The following LAMA2 variants were observed in gnomAD, a reference collection of about 807,000 sequenced individuals.
LAMA2 encodes laminin subunit alpha-2.
Under a neutral mutation model 364.8 loss-of-function variants are expected in LAMA2, and 269 were observed. That is an observed-to-expected ratio of 0.74 (90% CI 0.67 to 0.82). The LOEUF (loss-of-function observed/expected upper bound fraction) is 0.82, where lower values mean the gene tolerates loss of function less well. Among genes scored for constraint, LAMA2 ranks in the 40% least tolerant of loss-of-function variants. The pLI is 0.00. For synonymous variants in LAMA2, 1,379 were observed against 1,370.6 expected (o/e 1.01, Z -0.14); for missense variants, 3,807 against 3,873.2 (o/e 0.98, Z 0.45).
At chr6:129,138,007 T>C (rs1049166338) in intron 4 of LAMA2, among the ~76,000 whole-genome samples, 3 of 151,976 alleles carry the variant, frequency 2.0e-5, no homozygotes, top group Admixed American at 6.6e-5. Context: ...ACAGCTGAGA[T>C]TTTAAAGATA....
chr6:129,065,255 G>A (rs1789216897), intron 3 of LAMA2, among the ~76,000 whole-genome samples: 1 of 152,028 alleles, frequency 6.6e-6, no homozygotes, highest in Non-Finnish European at 1.5e-5. Flanking sequence ...AGGAATGTAC[G>A]TCAACATAAT....
chr6:129,391,396 A>G, intron 35 of LAMA2, 95 bp from the exon 36 acceptor site: 2 of 1,042,410 alleles, frequency 1.9e-6, no homozygotes, highest in South Asian at 1.3e-5. Context: ...AATACTCTTC[A>G]TTTGGAGATG....
intron 1 of LAMA2, among the ~76,000 whole-genome samples, chr6:128,997,098 GGGA>G (rs1260409506): frequency 4.0e-5 from 6 of 151,840 alleles, no homozygotes; most frequent in Non-Finnish European, 8.8e-5. Context: ...GACGGACACA[GGGA>G]GGAGAACATC....
In LAMA2 at chr6:129,456,457, C is replaced by G; in HGVS notation, c.6830C>G (p.Ala2277Gly). 1 of 1,613,476 alleles carries G rather than the reference C, an allele frequency of 6.2e-7. No homozygotes were observed. Among genetic ancestry groups the G allele is most frequent in the Non-Finnish European group, 8.5e-7 (1 of 1,179,554 alleles). Residue 2277 changes from alanine (A) to glycine (G), a missense_variant, in exon 48 of 65, where the codon GCA (alanine) becomes GGA (glycine). Physicochemically the swap from Ala to Gly is moderately conservative, Grantham distance 60 (BLOSUM62 0). Around this residue, in one of 3 missense-constraint regions of LAMA2, gnomAD observed 3,333 missense variants for 3,345.7 expected, o/e 1.00. Transcript: ENST00000421865. Reference sequence around the variant, plus strand: ...ACGATTCTAGATGTGGATGCAAATGCAATGCTGTTTGTTGGTGGCCTGACT... The same window carrying G: ...ACGATTCTAGATGTGGATGCAAATGGAATGCTGTTTGTTGGTGGCCTGACT... Reference protein sequence around the residue: ...GYTILDVDANAMLFVGGLTGK... With the variant: ...GYTILDVDANGMLFVGGLTGK...
chr6:129,349,632 A>AGT (rs1312613016), intron 31 of LAMA2, among the ~76,000 whole-genome samples: 2 of 151,034 alleles, frequency 1.3e-5, no homozygotes, highest in African/African-American at 2.4e-5. Context: ...CTTATGCTTT[A>AGT]GTATATATAT....
intron 4 of LAMA2, among the ~76,000 whole-genome samples, chr6:129,138,321 A>C: frequency 6.6e-6 from 1 of 152,250 alleles, no homozygotes; most frequent in East Asian, 1.9e-4. Context: ...ATTAATAAAA[A>C]TAACCCTAAA....
intron 4 of LAMA2, among the ~76,000 whole-genome samples, chr6:129,128,814 A>G (rs1038739405): frequency 6.6e-6 from 1 of 152,246 alleles, no homozygotes; most frequent in East Asian, 1.9e-4. Flanking sequence ...GCATTGATAC[A>G]GTAAAATCCT....
At chr6:129,383,621 C>T (rs1010477041) in intron 35 of LAMA2, among the ~76,000 whole-genome samples, 1 of 152,196 alleles carries the variant, frequency 6.6e-6, no homozygotes, top group African/African-American at 2.4e-5. Context: ...TTTAGTTTCT[C>T]CAAATGGCTT....
At chr6:129,172,074 T>G (rs1169985164) in intron 9 of LAMA2, among the ~76,000 whole-genome samples, 1 of 147,468 alleles carries the variant, frequency 6.8e-6, no homozygotes, top group African/African-American at 2.5e-5. Flanking sequence ...TTATACATTC[T>G]TCTACATTTT....
At chr6:129,102,071 A>T (rs1229744784) in intron 4 of LAMA2, among the ~76,000 whole-genome samples, 2 of 149,468 alleles carry the variant, frequency 1.3e-5, no homozygotes, top group African/African-American at 2.5e-5. Flanking sequence ...AGGATTCTTA[A>T]TTTCATATAT....
intron 12 of LAMA2, among the ~76,000 whole-genome samples, chr6:129,214,662 A>G (rs544788642): frequency 2.0e-5 from 3 of 152,216 alleles, no homozygotes; most frequent in South Asian, 2.1e-4. Context: ...GACCAGTACT[A>G]TATTGTCTTG....
intron 32 of LAMA2, among the ~76,000 whole-genome samples, chr6:129,361,888 G>A (rs1453802313): frequency 1.4e-5 from 2 of 147,970 alleles, no homozygotes; most frequent in South Asian, 2.2e-4. Context: ...GGGTTCAAGT[G>A]ATACTCCTCC....
chr6:129,454,543 G>A (rs573482069), intron 47 of LAMA2, among the ~76,000 whole-genome samples: 1 of 152,198 alleles, frequency 6.6e-6, no homozygotes, highest in African/African-American at 2.4e-5. Flanking sequence ...AGGAATTTGG[G>A]GGTGTCGCTG....
chr6:128,908,425 A>G (rs922041303), intron 1 of LAMA2, among the ~76,000 whole-genome samples: 4 of 149,704 alleles, frequency 2.7e-5, no homozygotes, highest in Non-Finnish European at 6.0e-5. Flanking sequence ...ATTTGCGTAG[A>G]GGTGTTTATA....
chr6:128,968,138 G>A (rs1006195328), intron 1 of LAMA2, among the ~76,000 whole-genome samples: 1 of 152,196 alleles, frequency 6.6e-6, no homozygotes, highest in Non-Finnish European at 1.5e-5. Context: ...GTGAGCAGTG[G>A]CTGTGGCTCT....
rs372368614 is a variant in LAMA2 at position 129,366,390 on chromosome 6, C to G, written c.4860+29C>G. On this transcript the variant is annotated intron_variant, in intron 33 of 64. Coordinates refer to ENST00000421865, the MANE Select transcript of LAMA2 (RefSeq NM_000426.4). ...GGTTGGTGCAGTCACAAGCAAGGGCCAGGGACAAGGTGACAGAAGCTTCAC... is the reference window on the plus strand; with the variant it reads ...GGTTGGTGCAGTCACAAGCAAGGGCGAGGGACAAGGTGACAGAAGCTTCAC... 4 of 1,611,896 alleles carry G rather than the reference C, an allele frequency of 2.5e-6. No homozygotes were observed. In the African/African-American group the frequency reaches 5.3e-5, roughly 22 times the overall value.
intron 8 of LAMA2, among the ~76,000 whole-genome samples, chr6:129,163,450 A>G (rs968586382): frequency 6.6e-6 from 1 of 152,170 alleles, no homozygotes; most frequent in East Asian, 1.9e-4. Context: ...CCTGGCCAAC[A>G]TGGTGAAACC....
intron 34 of LAMA2, among the ~76,000 whole-genome samples, chr6:129,381,403 G>A (rs537221824): frequency 6.6e-6 from 1 of 151,934 alleles, no homozygotes; most frequent in African/African-American, 2.4e-5. Flanking sequence ...GTGCAGTGGC[G>A]TGATCTCGGC....
intron 12 of LAMA2, among the ~76,000 whole-genome samples, chr6:129,197,900 CTAAT>C (rs1233695671): frequency 2.0e-5 from 3 of 151,974 alleles, no homozygotes; most frequent in Non-Finnish European, 4.4e-5. Flanking sequence ...GACGTTTTTC[CTAAT>C]TAAATTTATA....
Sources: gnomAD v4.1 joint callset for allele counts (sites outside exome capture counted in the v4.1 genomes callset) on GRCh38, gnomAD v4.1.1 for gene constraint, gnomAD v4.1.1 regional missense constraint, MANE v1.5 for transcripts, NCBI Gene and HGNC (gene_info 2026-07-23, HGNC 2026-07-21) for gene names.